USH2A: variants seen among roughly 807,000 people sequenced by gnomAD.
The protein encoded by USH2A is Usher syndrome 2A (autosomal recessive, mild).
A neutral mutation model predicts 538.9 loss-of-function variants in USH2A; 443 were observed. The observed-to-expected ratio is 0.82, with a 90% CI of 0.76 to 0.89. The LOEUF is 0.89. Among genes scored for constraint, USH2A ranks in the 40% least tolerant of loss-of-function variants. The probability of loss-of-function intolerance (pLI) is 0.00; values close to 1 mark genes in which losing one functional copy is unlikely to be tolerated. For missense variants in USH2A, 6,633 were observed against 6,324.8 expected, an observed-to-expected ratio of 1.05 and a Z score of -1.65; for synonymous variants, 2,413 against 2,273.5, an observed-to-expected ratio of 1.06 and a Z score of -1.75.
At chr1:215,654,048 G>C (rs562957453) in intron 64 of USH2A, among the ~76,000 whole-genome samples, 1 of 152,040 alleles carries the variant, frequency 6.6e-6, no homozygotes, top group East Asian at 1.9e-4. Flanking sequence ...AGTTATTATT[G>C]GGGAAGAAAA....
At chr1:215,704,035 A>T (rs1330180444) in intron 61 of USH2A, among the ~76,000 whole-genome samples, 1 of 152,180 alleles carries the variant, frequency 6.6e-6, no homozygotes, top group Non-Finnish European at 1.5e-5. Flanking sequence ...CGTTCATGGC[A>T]CAGTCCCTCA....
chr1:215,652,909 AAGAAAGTGCAAC>A (rs1361797386), intron 64 of USH2A, among the ~76,000 whole-genome samples: 1 of 152,184 alleles, frequency 6.6e-6, no homozygotes, highest in East Asian at 1.9e-4. Flanking sequence ...GAAAATGAGG[AAGAAAGTGCAAC>A]TAGGTATAAT....
At chr1:216,100,378 G>T (rs2032549167) in intron 21 of USH2A, among the ~76,000 whole-genome samples, 1 of 152,174 alleles carries the variant, frequency 6.6e-6, no homozygotes, top group Non-Finnish European at 1.5e-5. Flanking sequence ...CATAGACGTA[G>T]AGTCTGGTCT....
At chr1:216,368,992 TC>T (rs2038651845) in intron 3 of USH2A, among the ~76,000 whole-genome samples, 1 of 152,036 alleles carries the variant, frequency 6.6e-6, no homozygotes, top group Admixed American at 6.6e-5. Context: ...AATTTAAATT[TC>T]CCCTTAAAAG....
chr1:215,638,546 G>C (rs1291637415), intron 69 of USH2A, among the ~76,000 whole-genome samples: 9 of 149,524 alleles, frequency 6.0e-5, no homozygotes, highest in African/African-American at 2.2e-4. Flanking sequence ...CTTGAACCTG[G>C]AGCTAGAGGC....
chr1:216,280,373 G>T lies in USH2A; in HGVS notation c.1971+8907C>A, dbSNP rs542467868. Reference sequence around the variant, plus strand: ...TTTGGATCTGATGAAAGTACTGAAAGCTCTCACCCTCAAAAATACAGACAA... The same window carrying T: ...TTTGGATCTGATGAAAGTACTGAAATCTCTCACCCTCAAAAATACAGACAA... On this transcript the variant is annotated intron_variant, in intron 11 of 71. Coordinates refer to ENST00000307340, the MANE Select transcript of USH2A (RefSeq NM_206933.4). 3.3e-4 allele frequency among the ~76,000 whole-genome samples: 50 copies of T among 151,110 alleles called. No individual in the cohort carries two copies. The South Asian group carries it at 4.8e-3, about 15-fold the overall frequency.
intron 32 of USH2A, among the ~76,000 whole-genome samples, chr1:216,011,364 G>A (rs1668564416): frequency 6.6e-6 from 1 of 152,050 alleles, no homozygotes; most frequent in South Asian, 2.1e-4. Context: ...GTACTTCAAA[G>A]CTTCACAGAT....
chr1:216,200,977 ATCCCTCCC>A lies in USH2A; in HGVS notation c.3317-864_3317-857del, dbSNP rs58287796. On this transcript the variant is annotated intron_variant, in intron 16 of 71. Transcript: ENST00000307340. ...CCTTCCCCTTCCCCTCCCCCCATCC[ATCCCTCCC>A]TCCCTCCCTCCCTCCCTCCCTCCCT... Among the ~76,000 whole-genome samples, 354 of 50,100 alleles carry A rather than the reference ATCCCTCCC, an allele frequency of 7.1e-3. 16 individuals are homozygous for A. Among genetic ancestry groups the A allele is most frequent in the East Asian group, 0.022 (32 of 1,452 alleles). The allele number at this position is 50,100 out of a possible 152,430, so 32.9% of individuals were successfully genotyped here.
At chr1:215,819,122 C>T (rs1282085960) in intron 47 of USH2A, among the ~76,000 whole-genome samples, 1 of 151,654 alleles carries the variant, frequency 6.6e-6, no homozygotes, top group Non-Finnish European at 1.5e-5. Flanking sequence ...ATTAGCATTC[C>T]CATATATACT....
intron 32 of USH2A, among the ~76,000 whole-genome samples, chr1:216,036,772 T>G (rs1004364024): frequency 2.0e-5 from 3 of 152,062 alleles, no homozygotes; most frequent in African/African-American, 7.2e-5. Flanking sequence ...AAGACAGGAA[T>G]TTAACAACTA....
intron 61 of USH2A, among the ~76,000 whole-genome samples, chr1:215,695,786 C>G (rs1177491131): frequency 6.6e-6 from 1 of 152,134 alleles, no homozygotes. Context: ...CAGAGTCTCT[C>G]TATTGCCCAG....
At chr1:216,035,527 A>G (rs2029894724) in intron 32 of USH2A, among the ~76,000 whole-genome samples, 1 of 152,148 alleles carries the variant, frequency 6.6e-6, no homozygotes, top group Admixed American at 6.6e-5. Flanking sequence ...TGAGACAGTC[A>G]ATTTCTGTTG....
intron 37 of USH2A, among the ~76,000 whole-genome samples, chr1:215,959,414 C>G (rs1308080489): frequency 6.6e-6 from 1 of 151,888 alleles, no homozygotes; most frequent in Non-Finnish European, 1.5e-5. Context: ...CCTTTCTTTC[C>G]CGGTCCTTAC....
chr1:215,723,708 A>C (rs933436731), intron 61 of USH2A, among the ~76,000 whole-genome samples: 2 of 152,188 alleles, frequency 1.3e-5, no homozygotes, highest in African/African-American at 4.8e-5. Flanking sequence ...CAAAAACTTG[A>C]AAAATTTCCT....
chr1:215,831,821 G>A, intron 47 of USH2A, among the ~76,000 whole-genome samples: 1 of 151,894 alleles, frequency 6.6e-6, no homozygotes, highest in East Asian at 1.9e-4. Context: ...AGAAATCACT[G>A]AAATGGAAAA....
chr1:216,358,146 A>C (rs573742583), intron 4 of USH2A, among the ~76,000 whole-genome samples: 47 of 152,314 alleles, frequency 3.1e-4, no homozygotes, highest in African/African-American at 1.1e-3. Flanking sequence ...ACATTTTTCT[A>C]GAGAGTTATG....
chr1:216,290,467 C>T (rs1048460023), intron 10 of USH2A, among the ~76,000 whole-genome samples: 4 of 152,126 alleles, frequency 2.6e-5, no homozygotes, highest in African/African-American at 4.8e-5. Flanking sequence ...GTGCTAAGTG[C>T]TGTGTAATAC....
At chr1:215,731,059 G>C (rs1659980946) in intron 60 of USH2A, among the ~76,000 whole-genome samples, 1 of 152,186 alleles carries the variant, frequency 6.6e-6, no homozygotes, top group South Asian at 2.1e-4. Context: ...TCTAGCTTCA[G>C]CCTTTCCATG....
Position 215,802,053 on chromosome 1 carries a change from A to T in USH2A, c.9740-2928T>A, listed in dbSNP as rs112311862. 9.8e-3 allele frequency among the ~76,000 whole-genome samples: 1,486 copies of T among 152,098 alleles called. 22 individuals carry two copies. Among genetic ancestry groups the T allele is most frequent in the African/African-American group, 0.034 (1,411 of 41,516 alleles). On this transcript the variant is annotated intron_variant, in intron 49 of 71. Transcript: ENST00000307340. ...TTTTTTTTTTTAAAGAATGTTGGAA[A>T]AGTTGAATATCCACATGCCAAAGAA... is the stretch of plus-strand genomic sequence containing the variant.
Sources: gnomAD v4.1 joint callset for allele counts (sites outside exome capture counted in the v4.1 genomes callset) on GRCh38, gnomAD v4.1.1 for gene constraint, MANE v1.5 for transcripts, NCBI Gene and HGNC (gene_info 2026-07-23, HGNC 2026-07-21) for gene names.